Variants in PCGF5 observed in about 807,000 individuals in gnomAD.
PCGF5 encodes polycomb group RING finger protein 5.
PCGF5 carries 9 observed loss-of-function variants against 44.3 expected under a neutral mutation model. The observed-to-expected ratio is 0.20, with a 90% CI of 0.12 to 0.35. The LOEUF is 0.35. Among genes scored for constraint, PCGF5 ranks in the 10% least tolerant of loss-of-function variants. PCGF5 has a pLI of 1.00. For missense variants in PCGF5, 146 were observed against 305.3 expected (o/e 0.48, Z 3.89); for synonymous variants, 95 against 102.5 (o/e 0.93, Z 0.44).
intron 2 of PCGF5, 30 bp from the exon 3 acceptor site, chr10:91,240,454 G>T (rs10881907): frequency 1.4e-6 from 2 of 1,479,266 alleles, no homozygotes; most frequent in Non-Finnish European, 1.9e-6. Context: ...CATATGATGC[G>T]TTTTAACCTA....
At chr10:91,234,315 ATAAAT>A (rs1438769471) in intron 2 of PCGF5, among the ~76,000 whole-genome samples, 29 of 152,366 alleles carry the variant, frequency 1.9e-4, no homozygotes, top group Admixed American at 7.8e-4. Context: ...TATTTTTAAC[ATAAAT>A]TAAACATAAA....
Position 91,278,567 on chromosome 10 carries a change from A to C in PCGF5, c.*251A>C. 4.6e-6 allele frequency: 2 copies of C among 432,650 alleles called. No individual in the cohort carries two copies. The highest frequency in any genetic ancestry group is 7.2e-5 in the East Asian group (2 of 27,668). The allele number at this position is 432,650 out of a possible 1,614,324, so 26.8% of individuals were successfully genotyped here. On this transcript the variant is annotated 3_prime_UTR_variant, in exon 10 of 10. Coordinates refer to ENST00000336126, the MANE Select transcript of PCGF5 (RefSeq NM_032373.5). ...GTCTCAAAGTGTGCAAGTCATGGTA[A>C]AAATCAGTTAGCTGTGCCGCCATGA...
At chr10:91,164,162 C>CTGGGTCTGA (rs1843451796) in intron 1 of PCGF5, among the ~76,000 whole-genome samples, 1 of 152,172 alleles carries the variant, frequency 6.6e-6, no homozygotes, top group South Asian at 2.1e-4. Context: ...GGAGAGTGGC[C>CTGGGTCTGA]CCTCTGCAGT....
At chr10:91,254,062 A>G (rs1845687344) in intron 6 of PCGF5, among the ~76,000 whole-genome samples, 1 of 151,998 alleles carries the variant, frequency 6.6e-6, no homozygotes, top group South Asian at 2.1e-4. Context: ...TTACATTAGT[A>G]TTCAAGGCCC....
intron 8 of PCGF5, among the ~76,000 whole-genome samples, chr10:91,269,449 A>G (rs1846124160): frequency 6.6e-6 from 1 of 152,176 alleles, no homozygotes; most frequent in Non-Finnish European, 1.5e-5. Flanking sequence ...AAACTTTGAA[A>G]CAATTTTTAA....
At chr10:91,210,489 G>A (rs1439329508) in intron 1 of PCGF5, among the ~76,000 whole-genome samples, 1 of 152,186 alleles carries the variant, frequency 6.6e-6, no homozygotes, top group Non-Finnish European at 1.5e-5. Context: ...GATCTCTAAT[G>A]TCAAACTGGA....
At chr10:91,183,902 G>A (rs1434022407) in intron 1 of PCGF5, among the ~76,000 whole-genome samples, 1 of 152,136 alleles carries the variant, frequency 6.6e-6, no homozygotes, top group Non-Finnish European at 1.5e-5. Flanking sequence ...AATCTCTTCT[G>A]GCTTGTAGGG....
At chr10:91,200,773 T>C (rs1408770044) in intron 1 of PCGF5, among the ~76,000 whole-genome samples, 1 of 152,182 alleles carries the variant, frequency 6.6e-6, no homozygotes, top group Non-Finnish European at 1.5e-5. Flanking sequence ...CAAATTAAGC[T>C]TTGGTTTCTT....
chr10:91,168,981 A>G (rs1302708637), intron 1 of PCGF5, among the ~76,000 whole-genome samples: 1 of 146,980 alleles, frequency 6.8e-6, no homozygotes, highest in Non-Finnish European at 1.5e-5. Context: ...ACATTTGTGC[A>G]TTGTGCGTAG....
the PCGF5 span, among the ~76,000 whole-genome samples, chr10:91,156,783 C>T: frequency 6.6e-6 from 1 of 152,186 alleles, no homozygotes; most frequent in Non-Finnish European, 1.5e-5. Flanking sequence ...ATTTAATTAT[C>T]AAGAATTATC....
intron 2 of PCGF5, among the ~76,000 whole-genome samples, chr10:91,229,966 TG>T (rs1478757874): frequency 1.3e-4 from 20 of 152,200 alleles, no homozygotes; most frequent in Admixed American, 1.1e-3. Flanking sequence ...ATGATTATAA[TG>T]TTCATTTTGA....
At chr10:91,158,978 C>T (rs540009737), upstream of PCGF5, among the ~76,000 whole-genome samples, 1 of 152,230 alleles carries the variant, frequency 6.6e-6, no homozygotes, top group Admixed American at 6.5e-5. Context: ...TCACAGTATG[C>T]TAAGATTGCT....
chr10:91,219,285 C>T (rs569628323), upstream of PCGF5, among the ~76,000 whole-genome samples: 1 of 152,324 alleles, frequency 6.6e-6, no homozygotes, highest in South Asian at 2.1e-4. Context: ...TGATTAACCG[C>T]ACTTGTGATA....
intron 1 of PCGF5, among the ~76,000 whole-genome samples, chr10:91,188,445 G>A (rs7911631): frequency 0.19 from 28,374 of 152,044 alleles, 3,176 homozygotes; most frequent in East Asian, 0.49. Context: ...ACAATTTTAT[G>A]TATATTAAAA....
intron 2 of PCGF5, among the ~76,000 whole-genome samples, chr10:91,231,093 C>A (rs566396634): frequency 2.0e-5 from 3 of 152,178 alleles, no homozygotes; most frequent in Non-Finnish European, 4.4e-5. Flanking sequence ...TAAACTCAGT[C>A]GTCTCCCTTG....
chr10:91,259,282 C>G (rs967933506), intron 6 of PCGF5, among the ~76,000 whole-genome samples: 4 of 152,152 alleles, frequency 2.6e-5, no homozygotes, highest in Non-Finnish European at 5.9e-5. Flanking sequence ...CCACACTATG[C>G]AACTTCTAAT....
intron 3 of PCGF5, among the ~76,000 whole-genome samples, chr10:91,241,233 T>G (rs1184798516): frequency 3.3e-5 from 5 of 151,652 alleles, no homozygotes; most frequent in African/African-American, 4.8e-5. Flanking sequence ...CGCCACCACA[T>G]TAATTTTGTA....
At chr10:91,161,066 A>T (rs535648777), upstream of PCGF5, among the ~76,000 whole-genome samples, 5 of 152,160 alleles carry the variant, frequency 3.3e-5, no homozygotes, top group Non-Finnish European at 7.3e-5. Flanking sequence ...GGGGACTCTC[A>T]TCCCCTACTT....
intron 2 of PCGF5, among the ~76,000 whole-genome samples, chr10:91,226,335 A>C (rs546277992): frequency 2.1e-4 from 31 of 148,388 alleles, no homozygotes; most frequent in Non-Finnish European, 3.3e-4. Flanking sequence ...TGCAATGAGG[A>C]AGGACAGACT....
Sources: gnomAD v4.1 joint callset for allele counts (sites outside exome capture counted in the v4.1 genomes callset) on GRCh38, gnomAD v4.1.1 for gene constraint, MANE v1.5 for transcripts, NCBI Gene and HGNC (gene_info 2026-07-23, HGNC 2026-07-21) for gene names.